The following FAM168A variants were observed in gnomAD, a reference collection of about 807,000 sequenced individuals.
The protein encoded by FAM168A is family with sequence similarity 168 member A.
Under a neutral mutation model 28.5 loss-of-function variants are expected in FAM168A, and 3 were observed. That is an observed-to-expected ratio of 0.11 (90% CI 0.05 to 0.27). FAM168A has a LOEUF of 0.27. Ranked by LOEUF, FAM168A falls within the 10% of genes least tolerant of loss-of-function variation. The pLI is 1.00. For synonymous variants in FAM168A, 122 were observed against 124.2 expected (o/e 0.98, Z 0.12); for missense variants, 222 against 311.5 (o/e 0.71, Z 2.16).
chr11:73,411,729 CACAGGGCT>C (rs1253280429), intron 4 of FAM168A, among the ~76,000 whole-genome samples, 193 bp from the exon 5 acceptor site: 1 of 152,136 alleles, frequency 6.6e-6, no homozygotes, highest in African/African-American at 2.4e-5. Context: ...AGTCCTGGTG[CACAGGGCT>C]GCATGGATGA....
chr11:73,496,901 A>ACG (rs1565271063), intron 1 of FAM168A, among the ~76,000 whole-genome samples: 16 of 149,302 alleles, frequency 1.1e-4, no homozygotes, highest in Non-Finnish European at 2.1e-4. Flanking sequence ...ACACACACAC[A>ACG]CACACGCACA....
chr11:73,450,345 C>G (rs948744310), intron 2 of FAM168A, among the ~76,000 whole-genome samples: 1 of 152,142 alleles, frequency 6.6e-6, no homozygotes, highest in African/African-American at 2.4e-5. Flanking sequence ...GGAGATAGGT[C>G]CATTAGAATC....
rs1366937139 is a variant in FAM168A, at chr11:73,402,662, A to G, written c.*4101T>C. 1 of 152,208 alleles carries G rather than the reference A, an allele frequency of 6.6e-6. No homozygotes were observed. The highest frequency in any genetic ancestry group is 1.5e-5 in the Non-Finnish European group (1 of 68,066). The allele number at this position is 152,208 out of a possible 1,614,324, so 9.4% of individuals were successfully genotyped here. A position where few individuals can be genotyped will look rare whatever the true frequency, so the allele number is the denominator to read the frequency against. On this transcript the variant is annotated 3_prime_UTR_variant, in exon 8 of 8. Transcript: ENST00000356467. The stretch of plus-strand genomic sequence containing the variant: ...AGTGGGCAGGCTCTCAGGGATTAGG[A>G]AGCCAGGTGTGCAGGCTTACCAAGG...
At chr11:73,444,963 T>C (rs1867272372) in intron 2 of FAM168A, among the ~76,000 whole-genome samples, 1 of 152,278 alleles carries the variant, frequency 6.6e-6, no homozygotes, top group South Asian at 2.1e-4. Flanking sequence ...AGAGAAGCCA[T>C]AAAATGATTA....
intron 1 of FAM168A, among the ~76,000 whole-genome samples, chr11:73,516,725 A>G (rs1943309188): frequency 1.3e-5 from 2 of 152,138 alleles, no homozygotes; most frequent in South Asian, 4.1e-4. Flanking sequence ...TGGGCAATTC[A>G]CTTCTAATTC....
intron 1 of FAM168A, among the ~76,000 whole-genome samples, chr11:73,565,855 C>A (rs12421053): frequency 6.6e-6 from 1 of 152,050 alleles, no homozygotes; most frequent in East Asian, 1.9e-4. Flanking sequence ...CAGGCTCTTG[C>A]GGCATCCAAT....
chr11:73,426,170 C>T (rs1026047407), intron 3 of FAM168A, among the ~76,000 whole-genome samples: 1 of 152,142 alleles, frequency 6.6e-6, no homozygotes, highest in African/African-American at 2.4e-5. Context: ...TATTAGTTAA[C>T]CTGTTTATCC....
intron 1 of FAM168A, among the ~76,000 whole-genome samples, chr11:73,517,394 C>A (rs200276106): frequency 7.2e-5 from 11 of 152,104 alleles, no homozygotes; most frequent in Admixed American, 2.0e-4. Flanking sequence ...TTTCCACCCC[C>A]CTTCCCCTCA....
At chr11:73,493,292 C>T (rs1441783434) in intron 1 of FAM168A, among the ~76,000 whole-genome samples, 2 of 152,102 alleles carry the variant, frequency 1.3e-5, no homozygotes, top group South Asian at 2.1e-4. Flanking sequence ...AAGTGCTAAA[C>T]GAACTTTACA....
chr11:73,548,995 G>A (rs1460193865), intron 1 of FAM168A, among the ~76,000 whole-genome samples: 7 of 152,020 alleles, frequency 4.6e-5, no homozygotes, highest in Non-Finnish European at 7.4e-5. Flanking sequence ...AGGCTGGAGT[G>A]CAGTGGCACA....
chr11:73,547,083 A>G (rs1418861872), intron 1 of FAM168A, among the ~76,000 whole-genome samples: 1 of 148,228 alleles, frequency 6.7e-6, no homozygotes, highest in Non-Finnish European at 1.5e-5. Context: ...CCAGAAGTTC[A>G]AGAAAAAAAA....
intron 1 of FAM168A, among the ~76,000 whole-genome samples, chr11:73,494,261 C>G (rs1392357113): frequency 6.6e-6 from 1 of 152,152 alleles, no homozygotes; most frequent in Non-Finnish European, 1.5e-5. Flanking sequence ...CTAAGTGACT[C>G]ACTCAAAGTC....
chr11:73,569,410 C>T (rs765817013), intron 1 of FAM168A, among the ~76,000 whole-genome samples: 2 of 152,154 alleles, frequency 1.3e-5, no homozygotes, highest in Non-Finnish European at 2.9e-5. Flanking sequence ...TGGAATTTTG[C>T]TCGTTGGATT....
At chr11:73,457,924 G>A (rs547315576) in intron 2 of FAM168A, among the ~76,000 whole-genome samples, 1 of 152,040 alleles carries the variant, frequency 6.6e-6, no homozygotes, top group Admixed American at 6.5e-5. Flanking sequence ...TCCCTCATAT[G>A]TAAAATAATA....
chr11:73,483,281 A>G (rs1269464820), intron 1 of FAM168A, among the ~76,000 whole-genome samples: 1 of 152,222 alleles, frequency 6.6e-6, no homozygotes, highest in African/African-American at 2.4e-5. Context: ...CAGTGTCCAT[A>G]GGGACCCAAG....
At chr11:73,586,569 CA>C (rs1203187952) in intron 1 of FAM168A, among the ~76,000 whole-genome samples, 1 of 152,190 alleles carries the variant, frequency 6.6e-6, no homozygotes, top group Non-Finnish European at 1.5e-5. Context: ...ACCCCCAGAA[CA>C]AAGGTTCCAG....
chr11:73,466,986 G>GA (rs904348048), intron 2 of FAM168A, among the ~76,000 whole-genome samples: 46 of 147,728 alleles, frequency 3.1e-4, no homozygotes, highest in Admixed American at 2.6e-3. Flanking sequence ...GTTAAAAAAA[G>GA]AAAAAAAAAA....
intron 1 of FAM168A, among the ~76,000 whole-genome samples, chr11:73,505,823 C>T (rs75037586): frequency 4.0e-3 from 610 of 152,260 alleles, no homozygotes; most frequent in Middle Eastern, 0.014. Context: ...AAATGACTGA[C>T]CTGGAGTTGA....
intron 1 of FAM168A, among the ~76,000 whole-genome samples, chr11:73,544,648 T>C (rs1943701594): frequency 7.2e-6 from 1 of 139,702 alleles, no homozygotes; most frequent in Non-Finnish European, 1.5e-5. Flanking sequence ...TGAAAAAATA[T>C]ATACAATTAC....
Sources: gnomAD v4.1 joint callset for allele counts (sites outside exome capture counted in the v4.1 genomes callset) on GRCh38, gnomAD v4.1.1 for gene constraint, MANE v1.5 for transcripts, NCBI Gene and HGNC (gene_info 2026-07-23, HGNC 2026-07-21) for gene names.